The following COL19A1 variants were observed in gnomAD, a reference collection of about 807,000 sequenced individuals.
COL19A1 encodes collagen alpha-1(XIX) chain.
Under a neutral mutation model 190.2 loss-of-function variants are expected in COL19A1, and 159 were observed. The ratio of observed to expected loss-of-function variants is 0.84; its 90% confidence interval spans 0.73 to 0.95. The LOEUF is 0.95. Ranked by LOEUF, COL19A1 falls within the 40% of genes least tolerant of loss-of-function variation. The probability of loss-of-function intolerance (pLI) is 0.00; values close to 1 mark genes in which losing one functional copy is unlikely to be tolerated. For synonymous variants in COL19A1, 509 were observed against 458.9 expected (o/e 1.11, Z -1.39); for missense variants, 1,418 against 1,431.9 (o/e 0.99, Z 0.16).
intron 14 of COL19A1, among the ~76,000 whole-genome samples, chr6:70,055,486 T>C (rs1470281392): frequency 6.6e-6 from 1 of 151,996 alleles, no homozygotes; most frequent in Non-Finnish European, 1.5e-5. Context: ...AAATATAAAA[T>C]GTTCACATTT....
chr6:70,140,909 T>C (rs759417225), intron 19 of COL19A1, 45 bp from the exon 20 acceptor site: 1 of 1,599,222 alleles, frequency 6.3e-7, no homozygotes, highest in South Asian at 1.1e-5. Context: ...TTGGAGAGTT[T>C]ATTTCTAAGA....
intron 16 of COL19A1, among the ~76,000 whole-genome samples, chr6:70,102,988 CT>C (rs1359119839): frequency 6.6e-6 from 1 of 152,148 alleles, no homozygotes; most frequent in Non-Finnish European, 1.5e-5. Flanking sequence ...CTGGGGCCAT[CT>C]TTTTGTCTCC....
rs148418185 is a variant in COL19A1, at chr6:70,183,627, C to G, written c.2776-1076C>G. ...TGTAATAAATTCTTTGAACCATACA[C>G]TTCAGGTAACATGTTCTTATTTAAC... is the stretch of plus-strand genomic sequence containing the variant. On this transcript the variant is annotated intron_variant, in intron 44 of 50. Coordinates refer to ENST00000620364, the MANE Select transcript of COL19A1 (RefSeq NM_001858.6). Among the ~76,000 whole-genome samples the G allele has an allele frequency of 2.5e-3, 386 of 152,298 alleles. 4 individuals carry two copies. The highest frequency in any genetic ancestry group is 9.0e-3 in the African/African-American group (373 of 41,564).
At chr6:70,037,885 A>G (rs1356348177) in intron 14 of COL19A1, among the ~76,000 whole-genome samples, 2 of 152,220 alleles carry the variant, frequency 1.3e-5, no homozygotes, top group African/African-American at 4.8e-5. Context: ...ATACTTGTCT[A>G]AAAATACGAC....
chr6:70,059,440 T>A lies in COL19A1; in HGVS notation c.1171-8983T>A, dbSNP rs570065698. ...GCTATATTTGTTAAACACTTCAAAC[T>A]TCTGTTCTGAACCAGTTAATTCTAA... On this transcript the variant is annotated intron_variant, in intron 14 of 50. Transcript: ENST00000620364. Among the ~76,000 whole-genome samples the A allele has an allele frequency of 7.7e-4, 117 of 152,270 alleles. 1 individual carries two copies. Among genetic ancestry groups the A allele is most frequent in the Non-Finnish European group, 1.3e-3 (89 of 67,978 alleles).
At chr6:70,094,746 A>G (rs1295785947) in intron 15 of COL19A1, among the ~76,000 whole-genome samples, 1 of 152,118 alleles carries the variant, frequency 6.6e-6, no homozygotes, top group Non-Finnish European at 1.5e-5. Context: ...TTACTGTTGA[A>G]AATTTGTAGA....
intron 6 of COL19A1, among the ~76,000 whole-genome samples, chr6:69,931,000 CTGTT>C (rs1276003844): frequency 6.6e-6 from 1 of 152,172 alleles, no homozygotes; most frequent in African/African-American, 2.4e-5. Flanking sequence ...GAGATAGTCA[CTGTT>C]TGAGTTAAAC....
chr6:70,210,356 C>A lies in COL19A1; in HGVS notation c.*3082C>A, dbSNP rs1195246348. On this transcript the variant is annotated 3_prime_UTR_variant, in exon 51 of 51. Coordinates refer to ENST00000620364, the MANE Select transcript of COL19A1 (RefSeq NM_001858.6). The stretch of plus-strand genomic sequence containing the variant: ...TTCATGGATTTGTTCATTGTTCTTT[C>A]CAACTGAAGGCAGTAACCATTACTT... Among the ~76,000 whole-genome samples the A allele has an allele frequency of 6.6e-6, 1 of 152,094 alleles. No homozygotes were observed. Among genetic ancestry groups the A allele is most frequent in the African/African-American group, 2.4e-5 (1 of 41,428 alleles).
intron 7 of COL19A1, 144 bp from the exon 8 acceptor site, chr6:69,936,641 C>T: frequency 1.0e-6 from 1 of 986,256 alleles, no homozygotes; most frequent in Non-Finnish European, 1.5e-6. Flanking sequence ...GATAAACATT[C>T]TCACACTGGT....
At chr6:70,071,678 T>C (rs1006170257) in intron 15 of COL19A1, among the ~76,000 whole-genome samples, 15 of 152,226 alleles carry the variant, frequency 9.9e-5, no homozygotes, top group South Asian at 6.2e-4. Context: ...TCAATGAATG[T>C]TGAATATTGA....
chr6:69,997,358 C>CGGATG (rs1776976379), intron 11 of COL19A1, among the ~76,000 whole-genome samples: 1 of 152,078 alleles, frequency 6.6e-6, no homozygotes, highest in African/African-American at 2.4e-5. Flanking sequence ...AAAAATGGGC[C>CGGATG]GGATGTGGTG....
intron 4 of COL19A1, among the ~76,000 whole-genome samples, chr6:69,921,459 A>ATTCATATATAT (rs1216997835): frequency 0.042 from 845 of 20,220 alleles, 10 homozygotes; most frequent in South Asian, 0.11. Context: ...TATCATATAT[A>ATTCATATATAT]TCATATATAT....
chr6:69,918,181 A>G (rs1313549908), intron 4 of COL19A1, among the ~76,000 whole-genome samples: 1 of 152,208 alleles, frequency 6.6e-6, no homozygotes, highest in Non-Finnish European at 1.5e-5. Context: ...TCTAGGAACC[A>G]TGCAACACTT....
chr6:70,105,924 A>G (rs1260168522), intron 16 of COL19A1, among the ~76,000 whole-genome samples: 3 of 152,234 alleles, frequency 2.0e-5, no homozygotes, highest in South Asian at 2.1e-4. Context: ...TGTTTGAGCA[A>G]TTAGTCTTTA....
rs370732100 is a variant in COL19A1, at chr6:70,188,091, C to T, written c.2873C>T (p.Pro958Leu). ...PKGERGDQGI[P>L]GDRGSQGERG... ...CCTTAACAGGGTGATCAGGGGATTC[C>T]AGGAGACAGAGGCTCACAAGGTGAA... Residue 958 changes from proline (P) to leucine (L), a missense_variant, in exon 47 of 51, where the codon CCA becomes CTA. Coordinates refer to ENST00000620364, the MANE Select transcript of COL19A1 (RefSeq NM_001858.6). 61 of 1,613,000 alleles carry T rather than the reference C, an allele frequency of 3.8e-5. No individual in the cohort carries two copies. The highest frequency in any genetic ancestry group is 4.7e-5 in the Non-Finnish European group (56 of 1,179,590).
intron 48 of COL19A1, among the ~76,000 whole-genome samples, chr6:70,197,830 A>G (rs532340069): frequency 2.6e-5 from 4 of 152,304 alleles, no homozygotes; most frequent in East Asian, 1.9e-4. Flanking sequence ...TCCATTCTGC[A>G]TGCTTTGTGA....
chr6:70,152,371 A>G (rs1163492858), intron 31 of COL19A1, among the ~76,000 whole-genome samples: 1 of 152,108 alleles, frequency 6.6e-6, no homozygotes, highest in Non-Finnish European at 1.5e-5. Flanking sequence ...TTGAATTCAA[A>G]AGACTCGAGT....
intron 16 of COL19A1, among the ~76,000 whole-genome samples, chr6:70,118,092 AC>A (rs1487414863): frequency 6.6e-6 from 1 of 152,182 alleles, no homozygotes; most frequent in Non-Finnish European, 1.5e-5. Flanking sequence ...TCTGTCACTT[AC>A]CACAAGTCTT....
chr6:69,930,537 G>A (rs541555103), intron 6 of COL19A1, among the ~76,000 whole-genome samples: 1 of 152,170 alleles, frequency 6.6e-6, no homozygotes, highest in South Asian at 2.1e-4. Flanking sequence ...ATTGATCCCG[G>A]GCTAGGCGCA....
Sources: allele counts gnomAD v4.1 joint callset (sites outside exome capture counted in the v4.1 genomes callset), GRCh38; gene constraint gnomAD v4.1.1; transcripts MANE v1.5; gene names NCBI Gene and HGNC (gene_info 2026-07-23, HGNC 2026-07-21).